The following NGEF variants were observed in gnomAD, a reference collection of about 807,000 sequenced individuals.
NGEF encodes the protein neuronal guanine nucleotide exchange factor.
In NGEF, 31 loss-of-function variants were observed where a neutral mutation model predicts 80.9. That is an observed-to-expected ratio of 0.38 (90% CI 0.29 to 0.52). The LOEUF is 0.52. NGEF is among the 20% of genes least tolerant of loss of function. The pLI, the probability that NGEF is intolerant of heterozygous loss-of-function variation, is 0.84. For missense variants in NGEF, 709 were observed against 926.2 expected (o/e 0.77, Z 3.04); for synonymous variants, 371 against 370.2 (o/e 1.00, Z -0.03).
At chr2:232,883,162 C>T (rs373437073) in intron 12 of NGEF, 149 bp downstream of exon 12, 20 of 960,652 alleles carry the variant, frequency 2.1e-5, no homozygotes, top group Middle Eastern at 3.4e-4. Context: ...AAAGTATTGG[C>T]GCAGGGTCTG....
At chr2:232,890,887 T>C in intron 8 of NGEF, 1 of 471,070 alleles carries the variant, frequency 2.1e-6, no homozygotes, top group Non-Finnish European at 4.4e-6. Context: ...CCCACTCCCG[T>C]CCCCGTCATG....
intron 3 of NGEF, among the ~76,000 whole-genome samples, chr2:232,949,075 G>C (rs1693623738): frequency 6.6e-6 from 1 of 152,130 alleles, no homozygotes; most frequent in Non-Finnish European, 1.5e-5. Context: ...AATGTAGTCA[G>C]ATGTTCGGCA....
chr2:232,888,558 T>C (rs1175795322), intron 8 of NGEF, among the ~76,000 whole-genome samples: 3 of 150,380 alleles, frequency 2.0e-5, no homozygotes, highest in African/African-American at 7.3e-5. Context: ...CATGCATACC[T>C]GCACACACAC....
At chr2:232,886,500 C>G (rs188646615) in intron 9 of NGEF, among the ~76,000 whole-genome samples, 1 of 152,188 alleles carries the variant, frequency 6.6e-6, no homozygotes, top group African/African-American at 2.4e-5. Context: ...TGCAGCCTGT[C>G]GGCAGGGAGG....
intron 3 of NGEF, chr2:232,928,186 G>C: frequency 2.0e-6 from 2 of 978,638 alleles, no homozygotes; most frequent in Non-Finnish European, 2.4e-6. Flanking sequence ...AGGCTCCCGG[G>C]GTTGCCACGG....
intron 3 of NGEF, among the ~76,000 whole-genome samples, chr2:232,938,685 C>T (rs1693380141): frequency 7.4e-6 from 1 of 134,988 alleles, no homozygotes; most frequent in African/African-American, 2.8e-5. Context: ...TTGGAAAGAT[C>T]CTTGAGCCCA....
At chr2:232,962,630 C>T (rs1693977344) in intron 3 of NGEF, among the ~76,000 whole-genome samples, 1 of 151,412 alleles carries the variant, frequency 6.6e-6, no homozygotes, top group Non-Finnish European at 1.5e-5. Context: ...TTACATACTA[C>T]CAAAAAATGA....
chr2:232,983,313 G>A (rs553939989), intron 1 of NGEF, among the ~76,000 whole-genome samples: 4 of 152,236 alleles, frequency 2.6e-5, no homozygotes, highest in South Asian at 4.1e-4. Flanking sequence ...TGGGGGCGTC[G>A]GCTTCGGGAG....
chr2:232,924,654 T>C (rs1235743391), intron 4 of NGEF, among the ~76,000 whole-genome samples: 1 of 152,128 alleles, frequency 6.6e-6, no homozygotes, highest in Non-Finnish European at 1.5e-5. Context: ...AAGGCCCACC[T>C]GGAGGAGGCA....
chr2:232,974,850 C>G lies in NGEF; in HGVS notation c.41G>C (p.Arg14Thr). The change falls in exon 2 of 15, where the codon AGG becomes ACG. Residue 14 changes from arginine (R) to threonine (T), a missense_variant. By Grantham distance (71) the Arg-to-Thr change is moderately conservative. Around this residue, in one of 2 missense-constraint regions of NGEF, gnomAD observed 283 missense variants for 303.4 expected, o/e 0.93. Transcript: ENST00000264051. ...RESEDLEKTRRKSASDQWNTD... is the reference protein window; with the variant it reads ...RESEDLEKTRTKSASDQWNTD... ...GTTCCATTGATCACTTGCTGATTTC[C>G]TCCGGGTCTTTTCCAAATCTTCAGA... is the stretch of plus-strand genomic sequence containing the variant. The G allele has an allele frequency of 6.2e-7, 1 of 1,613,938 alleles. No individual in the cohort carries two copies. The highest frequency in any genetic ancestry group is 8.5e-7 in the Non-Finnish European group (1 of 1,180,002).
chr2:233,005,732 G>T (rs1194623290), intron 1 of NGEF, among the ~76,000 whole-genome samples: 1 of 152,210 alleles, frequency 6.6e-6, no homozygotes, highest in Non-Finnish European at 1.5e-5. Context: ...AAACAGTCCT[G>T]CCAGCAGCAT....
chr2:232,977,990 G>T (rs1216447136), intron 1 of NGEF, among the ~76,000 whole-genome samples: 3 of 152,170 alleles, frequency 2.0e-5, no homozygotes, highest in Admixed American at 6.5e-5. Flanking sequence ...AGTGAAGCCA[G>T]GTTGGGGTCA....
chr2:232,995,796 TA>T (rs1347029869), intron 1 of NGEF, among the ~76,000 whole-genome samples: 4 of 147,730 alleles, frequency 2.7e-5, no homozygotes, highest in African/African-American at 7.4e-5. Flanking sequence ...ATATGTATAA[TA>T]TATGTATACA....
In NGEF at chr2:232,881,163, A is replaced by G; in HGVS notation, c.1925T>C (p.Leu642Pro). The G allele has an allele frequency of 6.2e-7, 1 of 1,612,402 alleles. No individual in the cohort carries two copies. Among genetic ancestry groups the G allele is most frequent in the Non-Finnish European group, 8.5e-7 (1 of 1,179,980 alleles). ...TLELADILNI[L>P]DKTDDGWIFG... ...GGCCTCACCGTCGTCAGTCTTGTCC[A>G]GGATGTTGAGGATGTCGGCGAGCTC... The change falls in exon 14 of 15, where the codon CTG (leucine) becomes CCG (proline). Residue 642 changes from leucine to proline, a missense_variant. This residue lies in a region of NGEF where 426 missense variants were observed against 622.9 expected (regional missense o/e 0.68). Transcript: ENST00000264051.
At chr2:232,893,086 G>C (rs766441949) in intron 6 of NGEF, 36 bp from the exon 7 acceptor site, 39 of 1,591,638 alleles carry the variant, frequency 2.5e-5, no homozygotes, top group African/African-American at 1.5e-4. Flanking sequence ...GAGGGTGCCC[G>C]GGGGGTAGGG....
rs1695250050 is a variant in NGEF, at chr2:233,013,144, C to G, written c.-151G>C. On this transcript the variant is annotated 5_prime_UTR_variant, in exon 1 of 15. Coordinates refer to ENST00000264051, the MANE Select transcript of NGEF (RefSeq NM_019850.3). The stretch of plus-strand genomic sequence containing the variant: ...CTCGTCCCCTGTCCTGTCCAGGCAC[C>G]TGCGAGCAGGATGGTGTGTCCCCGG... 2.1e-6 allele frequency: 1 copy of G among 471,152 alleles called. No individual in the cohort carries two copies. Among genetic ancestry groups the G allele is most frequent in the Non-Finnish European group, 4.4e-6 (1 of 227,088 alleles). The allele number at this position is 471,152 out of a possible 1,614,324, so 29.2% of individuals were successfully genotyped here.
chr2:232,991,139 G>A (rs1694641858), intron 1 of NGEF, among the ~76,000 whole-genome samples: 1 of 152,056 alleles, frequency 6.6e-6, no homozygotes, highest in Non-Finnish European at 1.5e-5. Context: ...ATATTTAATT[G>A]TGAAAGACTG....
intron 1 of NGEF, among the ~76,000 whole-genome samples, chr2:233,005,843 G>A (rs1373070276): frequency 6.6e-6 from 1 of 152,146 alleles, no homozygotes; most frequent in Non-Finnish European, 1.5e-5. Flanking sequence ...TTGAGACAGA[G>A]TCTTGCTCTG....
chr2:232,890,724 C>T (rs1294235585), intron 8 of NGEF, among the ~76,000 whole-genome samples: 2 of 152,158 alleles, frequency 1.3e-5, no homozygotes, highest in African/African-American at 4.8e-5. Flanking sequence ...CCCGACCCAG[C>T]CCCACAGGCC....
Sources: allele counts gnomAD v4.1 joint callset (sites outside exome capture counted in the v4.1 genomes callset), GRCh38; gene constraint gnomAD v4.1.1; regional missense constraint gnomAD v4.1.1; transcripts MANE v1.5; gene names NCBI Gene and HGNC (gene_info 2026-07-23, HGNC 2026-07-21).